Variants in CTNND2 observed in about 807,000 individuals in gnomAD.
The protein encoded by CTNND2 is catenin delta 2.
CTNND2 carries 22 observed loss-of-function variants against 144.4 expected under a neutral mutation model. The observed-to-expected ratio is 0.15, with a 90% confidence interval of 0.11 to 0.22. The LOEUF (loss-of-function observed/expected upper bound fraction) is 0.22, where lower values mean the gene tolerates loss of function less well. CTNND2 is among the 10% of genes least tolerant of loss of function. CTNND2 has a pLI of 1.00. For missense variants in CTNND2, 1,353 were observed against 1,618.8 expected (o/e 0.84, Z 2.82); for synonymous variants, 751 against 695.6 (o/e 1.08, Z -1.25).
intron 3 of CTNND2, among the ~76,000 whole-genome samples, chr5:11,510,569 G>C (rs1771538953): frequency 6.6e-6 from 1 of 152,122 alleles, no homozygotes; most frequent in Non-Finnish European, 1.5e-5. Flanking sequence ...ACACATATTT[G>C]TAGGTGGCAT....
intron 6 of CTNND2, among the ~76,000 whole-genome samples, chr5:11,388,202 T>G (rs1332442621): frequency 6.6e-6 from 1 of 152,232 alleles, no homozygotes; most frequent in African/African-American, 2.4e-5. Context: ...CACTGTGTAC[T>G]AAAATGCACT....
chr5:11,087,050 T>C (rs1168284844), intron 15 of CTNND2, among the ~76,000 whole-genome samples: 2 of 152,244 alleles, frequency 1.3e-5, no homozygotes, highest in Non-Finnish European at 2.9e-5. Context: ...AAGTATAGTC[T>C]GCAATTAAAT....
At chr5:11,749,499 A>C (rs954646697) in intron 1 of CTNND2, among the ~76,000 whole-genome samples, 2 of 152,002 alleles carry the variant, frequency 1.3e-5, no homozygotes, top group Non-Finnish European at 2.9e-5. Context: ...ATAGTCCCTC[A>C]GAGTTTATGA....
intron 11 of CTNND2, among the ~76,000 whole-genome samples, chr5:11,189,109 T>C (rs890413367): frequency 6.6e-6 from 1 of 152,186 alleles, no homozygotes; most frequent in African/African-American, 2.4e-5. Context: ...ATTTCACTTA[T>C]TGTCTTGACA....
At chr5:11,074,972 C>T (rs1338469990) in intron 16 of CTNND2, among the ~76,000 whole-genome samples, 1 of 151,740 alleles carries the variant, frequency 6.6e-6, no homozygotes, top group Non-Finnish European at 1.5e-5. Flanking sequence ...TCCTTAACCC[C>T]CAGAATGAAT....
At chr5:11,324,013 G>A (rs539700620) in intron 9 of CTNND2, among the ~76,000 whole-genome samples, 1 of 152,254 alleles carries the variant, frequency 6.6e-6, no homozygotes, top group Non-Finnish European at 1.5e-5. Flanking sequence ...TTAGCAGGAG[G>A]GAACTCGATG....
At chr5:11,610,482 C>T (rs1377846423) in intron 2 of CTNND2, among the ~76,000 whole-genome samples, 1 of 152,186 alleles carries the variant, frequency 6.6e-6, no homozygotes, top group Non-Finnish European at 1.5e-5. Flanking sequence ...AGTGATGTGA[C>T]TGGCATGGAT....
intron 2 of CTNND2, among the ~76,000 whole-genome samples, chr5:11,674,049 C>T (rs1275006247): frequency 6.6e-6 from 1 of 152,164 alleles, no homozygotes; most frequent in Non-Finnish European, 1.5e-5. Flanking sequence ...AGAAAAAGTC[C>T]TTCTTAAATT....
At chr5:11,533,903 G>C (rs1773983634) in intron 3 of CTNND2, among the ~76,000 whole-genome samples, 1 of 152,106 alleles carries the variant, frequency 6.6e-6, no homozygotes, top group South Asian at 2.1e-4. Context: ...GACTGTAGAG[G>C]GTGGGGAAGC....
At chr5:11,143,695 T>C (rs1024603787) in intron 12 of CTNND2, among the ~76,000 whole-genome samples, 4 of 152,230 alleles carry the variant, frequency 2.6e-5, no homozygotes, top group African/African-American at 9.6e-5. Context: ...AATGTGAATC[T>C]TGGAGGGAGG....
chr5:11,121,409 T>C (rs1754125580), intron 12 of CTNND2, among the ~76,000 whole-genome samples: 8 of 152,204 alleles, frequency 5.3e-5, no homozygotes, highest in Admixed American at 5.2e-4. Context: ...TGCATAAACA[T>C]AGTATTAAAT....
At chr5:11,897,392 CTTCT>C (rs1367876340) in intron 1 of CTNND2, among the ~76,000 whole-genome samples, 1 of 152,122 alleles carries the variant, frequency 6.6e-6, no homozygotes. Flanking sequence ...CAATGTTTAT[CTTCT>C]TTCTTTACTG....
intron 15 of CTNND2, among the ~76,000 whole-genome samples, chr5:11,089,037 G>A (rs1302908977): frequency 6.6e-6 from 1 of 152,156 alleles, no homozygotes; most frequent in African/African-American, 2.4e-5. Context: ...TGTTTTTGCT[G>A]CTGTTGTTTT....
intron 9 of CTNND2, among the ~76,000 whole-genome samples, chr5:11,300,624 C>G (rs1297659832): frequency 2.0e-5 from 3 of 146,366 alleles, no homozygotes; most frequent in Non-Finnish European, 4.5e-5. Flanking sequence ...AGACAAACAA[C>G]TTTTTTTTTT....
At chr5:11,748,547 TTTG>T (rs991758998) in intron 1 of CTNND2, among the ~76,000 whole-genome samples, 1 of 152,084 alleles carries the variant, frequency 6.6e-6, no homozygotes, top group African/African-American at 2.4e-5. Context: ...TTTTTGCCAA[TTTG>T]TTTTCTGTTT....
chr5:11,517,570 A>G (rs1013753230), intron 3 of CTNND2, among the ~76,000 whole-genome samples: 2 of 152,140 alleles, frequency 1.3e-5, no homozygotes, highest in Middle Eastern at 3.4e-3. Flanking sequence ...ATCACCTCAC[A>G]TAGTTAACAT....
At chr5:11,241,732 C>T (rs988486720) in intron 9 of CTNND2, among the ~76,000 whole-genome samples, 3 of 152,246 alleles carry the variant, frequency 2.0e-5, no homozygotes, top group Admixed American at 1.3e-4. Context: ...TGGAGATATA[C>T]CCCAGAGAAA....
At chr5:11,423,229 A>G (rs1287527098) in intron 3 of CTNND2, among the ~76,000 whole-genome samples, 1 of 152,212 alleles carries the variant, frequency 6.6e-6, no homozygotes, top group Non-Finnish European at 1.5e-5. Context: ...TGCTTGGTGT[A>G]TACTGCGGCA....
chr5:10,992,220 C>A (rs1738760908), intron 19 of CTNND2, among the ~76,000 whole-genome samples: 1 of 152,194 alleles, frequency 6.6e-6, no homozygotes, highest in South Asian at 2.1e-4. Flanking sequence ...GCCAGGCCAA[C>A]TCAAACTATT....
Sources: allele counts gnomAD v4.1 joint callset (sites outside exome capture counted in the v4.1 genomes callset), GRCh38; gene constraint gnomAD v4.1.1; transcripts MANE v1.5; gene names NCBI Gene and HGNC (gene_info 2026-07-23, HGNC 2026-07-21).